Variants in MMP24 observed in about 807,000 individuals in gnomAD.
MMP24 encodes matrix metalloproteinase-24.
A neutral mutation model predicts 62.8 loss-of-function variants in MMP24; 25 were observed. The observed-to-expected ratio is 0.40, with a 90% CI of 0.29 to 0.56. The LOEUF is 0.56. MMP24 is among the 20% of genes least tolerant of loss of function. MMP24 has a pLI of 0.50. For synonymous variants in MMP24, 319 were observed against 350.5 expected, an observed-to-expected ratio of 0.91 and a Z score of 1.00; for missense variants, 634 against 853.6, an observed-to-expected ratio of 0.74 and a Z score of 3.21.
intron 1 of MMP24, among the ~76,000 whole-genome samples, chr20:35,242,654 G>C (rs994140549): frequency 6.6e-6 from 1 of 152,232 alleles, no homozygotes; most frequent in Non-Finnish European, 1.5e-5. Context: ...AAAGTTGAGT[G>C]AGAAGGTGAA....
intron 4 of MMP24, among the ~76,000 whole-genome samples, chr20:35,259,038 G>A (rs867027501): frequency 7.9e-5 from 12 of 152,002 alleles, no homozygotes; most frequent in East Asian, 3.9e-4. Flanking sequence ...AAAATTAGCC[G>A]GGTGTGGTGG....
chr20:35,226,978 C>A lies in MMP24; in HGVS notation c.240C>A (p.Ala80=). Residue 80 remains alanine (A), a synonymous_variant, in exon 1 of 9, where the codon GCC becomes GCA. Coordinates refer to ENST00000246186, the MANE Select transcript of MMP24 (RefSeq NM_006690.4). ...ARADEAEAPF[A]GQNWLKSYGY... ...CGGACGAGGCGGAGGCGCCCTTCGC[C>A]GGGCAGGTGGGGCTGGCGCGCGGGG... 1.1e-5 allele frequency: 11 copies of A among 979,296 alleles called. No homozygotes were observed. The highest frequency in any genetic ancestry group is 1.3e-5 in the Non-Finnish European group (11 of 827,498). 60.7% of individuals were successfully genotyped at this position (979,296 alleles called of 1,614,324 possible).
intron 1 of MMP24, among the ~76,000 whole-genome samples, chr20:35,242,593 C>T (rs887969885): frequency 1.3e-5 from 2 of 152,126 alleles, no homozygotes; most frequent in African/African-American, 2.4e-5. Flanking sequence ...ATAGGGAAAA[C>T]ATTTTCCTCA....
At chr20:35,260,466 G>A (rs2060596720) in intron 4 of MMP24, among the ~76,000 whole-genome samples, 1 of 152,232 alleles carries the variant, frequency 6.6e-6, no homozygotes, top group Non-Finnish European at 1.5e-5. Flanking sequence ...ACAGCCCCTG[G>A]GGAAGAGCCT....
chr20:35,270,886 A>G (rs146955038), intron 7 of MMP24, among the ~76,000 whole-genome samples: 149 of 152,344 alleles, frequency 9.8e-4, no homozygotes, highest in African/African-American at 3.4e-3. Flanking sequence ...CTAAAATTAC[A>G]AAAACTAGCC....
chr20:35,274,426 C>T lies in MMP24; in HGVS notation c.1755C>T (p.Asp585=), dbSNP rs200497071. The change falls in exon 9 of 9, where the codon GAC becomes GAT. Residue 585 remains aspartate, a synonymous_variant. Coordinates refer to ENST00000246186, the MANE Select transcript of MMP24 (RefSeq NM_006690.4). The surrounding 1 kb of genome is among the most constrained non-coding windows in gnomAD (Gnocchi z 5.1). ...ERRKERRLPQ[D]DVDIMVTIND... ...GGAAGGAGCGGCGGCTGCCCCAGGA[C>T]GACGTGGACATCATGGTGACCATCA... 4.4e-4 allele frequency: 709 copies of T among 1,613,902 alleles called. 4 individuals are homozygous for T. The African/African-American group carries it at 8.7e-3, about 20-fold the overall frequency.
At chr20:35,260,324 G>A (rs912948781) in intron 4 of MMP24, among the ~76,000 whole-genome samples, 7 of 152,216 alleles carry the variant, frequency 4.6e-5, no homozygotes, top group African/African-American at 1.7e-4. Flanking sequence ...TTTCCTTTAA[G>A]GGGTCACTCC....
rs569833707 is a variant in MMP24, at chr20:35,246,811, C to T, written c.247-29C>T. On this transcript the variant is annotated intron_variant, in intron 1 of 8. Transcript: ENST00000246186. ...TAGAACAGAGCCTTTCCCAGCATAA[C>T]GCATCTTTTTCTTTCCCGTGTCTTT... 1.7e-4 allele frequency: 276 copies of T among 1,612,266 alleles called. 1 individual carries two copies. The highest frequency in any genetic ancestry group is 1.5e-3 in the Middle Eastern group (9 of 6,028).
At chr20:35,270,777 C>G (rs1021597040) in intron 7 of MMP24, among the ~76,000 whole-genome samples, 2 of 152,214 alleles carry the variant, frequency 1.3e-5, no homozygotes, top group African/African-American at 2.4e-5. Context: ...CAGTGGCTCA[C>G]GCCCGAAATC....
At position 35,272,939 on chromosome 20, in the gene MMP24, A is replaced by G. The variant is rs2060679630; in HGVS notation, c.1600+1104A>G. On this transcript the variant is annotated intron_variant, in intron 8 of 8. Transcript: ENST00000246186. ...ATGCCTAGCACACCATCCATGCTGT[A>G]TATTTTAGCTGCTATCGTCATCATC... 1.3e-5 allele frequency among the ~76,000 whole-genome samples: 2 copies of G among 152,234 alleles called. 1 individual carries two copies. Among genetic ancestry groups the G allele is most frequent in the South Asian group, 4.1e-4 (2 of 4,838 alleles).
chr20:35,269,066 A>G lies in MMP24; in HGVS notation c.1195-694A>G, dbSNP rs1384189675. Among the ~76,000 whole-genome samples, 1 of 151,666 alleles carries G rather than the reference A, an allele frequency of 6.6e-6. No homozygotes were observed. The highest frequency in any genetic ancestry group is 2.4e-5 in the African/African-American group (1 of 41,316). On this transcript the variant is annotated intron_variant, in intron 6 of 8. Transcript: ENST00000246186. The surrounding 1 kb of genome is among the most constrained non-coding windows in gnomAD (Gnocchi z 4.6). ...GAAAGAAAACTGAGGCCTGGAGGCT[A>G]CAGGCCTTGCCTAGACTGCTTGTGT...
chr20:35,274,806 GT>G lies in MMP24; in HGVS notation c.*198del, dbSNP rs1248443920. On this transcript the variant is annotated 3_prime_UTR_variant, in exon 9 of 9. Coordinates refer to ENST00000246186, the MANE Select transcript of MMP24 (RefSeq NM_006690.4). The surrounding 1 kb of genome is among the most constrained non-coding windows in gnomAD (Gnocchi z 5.1). ...ATGGGGGCTGTGCCCCAGGGTGGGTGTCTGGCACCCAGCTGCCAGCCTTCTG... is the reference window on the plus strand; with the variant it reads ...ATGGGGGCTGTGCCCCAGGGTGGGTGCTGGCACCCAGCTGCCAGCCTTCTG... 1.0e-5 allele frequency: 6 copies of G among 601,368 alleles called. No homozygotes were observed. The African/African-American group carries it at 1.1e-4, about 11-fold the overall frequency. The allele number at this position is 601,368 out of a possible 1,614,324, so 37.3% of individuals were successfully genotyped here.
chr20:35,271,906 A>C lies in MMP24; in HGVS notation c.1600+71A>C. 6.7e-7 allele frequency: 1 copy of C among 1,495,372 alleles called. No individual in the cohort carries two copies. The highest frequency in any genetic ancestry group is 8.9e-7 in the Non-Finnish European group (1 of 1,122,982). The allele number at this position is 1,495,372 out of a possible 1,614,324, so 92.6% of individuals were successfully genotyped here. On this transcript the variant is annotated intron_variant, in intron 8 of 8. Transcript: ENST00000246186. The surrounding 1 kb of genome is among the most constrained non-coding windows in gnomAD (Gnocchi z 4.0). ...GTGGTCCTCACCAGTGCCCACGGGCATACTCAGTGCCCATGGGCGTCCAGG... is the reference window on the plus strand; with the variant it reads ...GTGGTCCTCACCAGTGCCCACGGGCCTACTCAGTGCCCATGGGCGTCCAGG...
rs146075005 is a variant in MMP24 at position 35,236,683 on chromosome 20, A to C, written c.246+9699A>C. On this transcript the variant is annotated intron_variant, in intron 1 of 8. Transcript: ENST00000246186. Reference sequence around the variant, plus strand: ...AAAGAGGAGAAATGACTTATTAAAAATCACCAAGGGCTGGGTGAGGTGGCT... The same window carrying C: ...AAAGAGGAGAAATGACTTATTAAAACTCACCAAGGGCTGGGTGAGGTGGCT... 1.4e-3 allele frequency among the ~76,000 whole-genome samples: 206 copies of C among 152,234 alleles called. 1 individual carries two copies. In the Middle Eastern group the frequency reaches 0.017, roughly 13 times the overall value.
At chr20:35,247,068 C>G (rs1019707214) in intron 2 of MMP24, 80 bp downstream of exon 2, 2 of 1,487,028 alleles carry the variant, frequency 1.3e-6, no homozygotes, top group Non-Finnish European at 1.9e-6. Context: ...CCTGTGTACA[C>G]CCCATGCCCA....
At chr20:35,264,084 C>A (rs1010927604) in intron 5 of MMP24, 132 bp downstream of exon 5, 164 of 1,032,486 alleles carry the variant, frequency 1.6e-4, no homozygotes, top group Non-Finnish European at 2.1e-4. Flanking sequence ...CTGTGTGTGA[C>A]CTTTACAGAC....
In MMP24 at chr20:35,271,070, G is replaced by A. The variant is rs1225252912; in HGVS notation, c.1334-499G>A. On this transcript the variant is annotated intron_variant, in intron 7 of 8. Coordinates refer to ENST00000246186, the MANE Select transcript of MMP24 (RefSeq NM_006690.4). The surrounding 1 kb of genome is among the most constrained non-coding windows in gnomAD (Gnocchi z 4.0). Reference sequence around the variant, plus strand: ...AAAAGAAGTGGCTGAATACTGAGAGGAGAAGGAAAGAGAGGGTCAACAGTG... The same window carrying A: ...AAAAGAAGTGGCTGAATACTGAGAGAAGAAGGAAAGAGAGGGTCAACAGTG... Among the ~76,000 whole-genome samples, 1 of 144,510 alleles carries A rather than the reference G, an allele frequency of 6.9e-6. No individual in the cohort carries two copies. The highest frequency in any genetic ancestry group is 1.5e-5 in the Non-Finnish European group (1 of 66,312). The allele number at this position is 144,510 out of a possible 152,430, so 94.8% of individuals were successfully genotyped here.
intron 4 of MMP24, among the ~76,000 whole-genome samples, chr20:35,256,714 C>CAA (rs74173944): frequency 0.011 from 425 of 39,686 alleles, 52 homozygotes; most frequent in Non-Finnish European, 0.021. Flanking sequence ...GATTCCGTCT[C>CAA]AAAAAAAAAA....
Position 35,269,022 on chromosome 20 carries a change from A to G in MMP24, c.1195-738A>G, listed in dbSNP as rs1359050281. Among the ~76,000 whole-genome samples the G allele has an allele frequency of 3.8e-5, 5 of 133,308 alleles. No individual in the cohort carries two copies. Among genetic ancestry groups the G allele is most frequent in the East Asian group, 4.5e-4 (2 of 4,450 alleles). 87.5% of individuals were successfully genotyped at this position (133,308 alleles called of 152,430 possible). A position where few individuals can be genotyped will look rare whatever the true frequency, so the allele number is the denominator to read the frequency against. On this transcript the variant is annotated intron_variant, in intron 6 of 8. Coordinates refer to ENST00000246186, the MANE Select transcript of MMP24 (RefSeq NM_006690.4). This position sits in a 1 kb window ranked among gnomAD's most constrained non-coding sequence, Gnocchi z 4.6. ...AGCCTGGGTGACAGAGCGAGACTCC[A>G]TCTAAAAAAAAAAAAAAAGAAAGAA...
Sources: gnomAD v4.1 joint callset for allele counts (sites outside exome capture counted in the v4.1 genomes callset) on GRCh38, gnomAD v4.1.1 for gene constraint, Gnocchi (gnomAD v3.1) non-coding constraint, MANE v1.5 for transcripts, NCBI Gene and HGNC (gene_info 2026-07-23, HGNC 2026-07-21) for gene names.